TMEM267: variants seen among roughly 807,000 people sequenced by gnomAD.
TMEM267 encodes transmembrane protein 267.
TMEM267 carries 20 observed loss-of-function variants against 19.3 expected under a neutral mutation model. The observed-to-expected ratio is 1.04, with a 90% CI of 0.73 to 1.51. The LOEUF is 1.51. Among genes scored for constraint, TMEM267 ranks in the 40% most tolerant of loss-of-function variants. The probability of loss-of-function intolerance (pLI) is 0.00; values close to 1 mark genes in which losing one functional copy is unlikely to be tolerated. For synonymous variants in TMEM267, 88 were observed against 90.3 expected (o/e 0.97, Z 0.15); for missense variants, 242 against 261.9 (o/e 0.92, Z 0.52).
chr5:43,473,919 A>G (rs997881151), intron 1 of TMEM267, among the ~76,000 whole-genome samples: 17 of 152,246 alleles, frequency 1.1e-4, no homozygotes, highest in African/African-American at 3.1e-4. Flanking sequence ...AAACAGATAT[A>G]TAGATCAATG....
Position 43,459,458 on chromosome 5 carries a change from T to C in TMEM267, c.-74-5415A>G, listed in dbSNP as rs551563979. ...AGATTGGGGCAAAAGAAAACATCAC[T>C]AAATTATTGTTCAAAACAAAACACC... is the stretch of plus-strand genomic sequence containing the variant. On this transcript the variant is annotated intron_variant, in intron 1 of 2. Coordinates refer to ENST00000397080, the MANE Select transcript of TMEM267 (RefSeq NM_022483.5). 1.1e-4 allele frequency among the ~76,000 whole-genome samples: 17 copies of C among 152,216 alleles called. No individual in the cohort carries two copies. In the South Asian group the frequency reaches 3.1e-3, roughly 28 times the overall value.
intron 1 of TMEM267, among the ~76,000 whole-genome samples, chr5:43,468,021 G>T (rs1213060797): frequency 6.6e-6 from 1 of 150,678 alleles, no homozygotes; most frequent in Non-Finnish European, 1.5e-5. Flanking sequence ...CGAATTAAGA[G>T]TCCTTTATTA....
chr5:43,462,700 T>G (rs1176624174), intron 1 of TMEM267, among the ~76,000 whole-genome samples: 2 of 152,094 alleles, frequency 1.3e-5, no homozygotes, highest in Non-Finnish European at 2.9e-5. Context: ...GAAGAATTAG[T>G]GAGCTTGAAG....
chr5:43,448,461 T>C (rs1742382992), intron 2 of TMEM267, among the ~76,000 whole-genome samples: 1 of 152,002 alleles, frequency 6.6e-6, no homozygotes, highest in Non-Finnish European at 1.5e-5. Context: ...AAAGCTAGTA[T>C]AGGAGGAAAA....
At chr5:43,448,052 A>G (rs1275603601) in intron 2 of TMEM267, among the ~76,000 whole-genome samples, 1 of 152,186 alleles carries the variant, frequency 6.6e-6, no homozygotes, top group East Asian at 1.9e-4. Context: ...AAATCAGACA[A>G]TGTTCCGACC....
At chr5:43,451,168 C>A (rs1336478803) in intron 2 of TMEM267, among the ~76,000 whole-genome samples, 3 of 152,070 alleles carry the variant, frequency 2.0e-5, no homozygotes, top group Admixed American at 1.3e-4. Context: ...ACTTATCATG[C>A]TTATTTAATC....
At chr5:43,464,309 T>C (rs1456812035) in intron 1 of TMEM267, among the ~76,000 whole-genome samples, 1 of 151,730 alleles carries the variant, frequency 6.6e-6, no homozygotes, top group Non-Finnish European at 1.5e-5. Flanking sequence ...TAAAAGAGGA[T>C]ACAAACAAAC....
rs1742221767 is a variant in TMEM267, at chr5:43,446,170, C to T, written c.*52G>A. 1 of 1,135,246 alleles carries T rather than the reference C, an allele frequency of 8.8e-7. No individual in the cohort carries two copies. The highest frequency in any genetic ancestry group is 1.5e-5 in the South Asian group (1 of 68,380). 70.3% of individuals were successfully genotyped at this position (1,135,246 alleles called of 1,614,324 possible). ...TAAAAATTAACTTTAATGTTGGCTA[C>T]TCTTAATTATCATCATCTGAGCCAT... is the stretch of plus-strand genomic sequence containing the variant. On this transcript the variant is annotated 3_prime_UTR_variant, in exon 3 of 3. Coordinates refer to ENST00000397080, the MANE Select transcript of TMEM267 (RefSeq NM_022483.5).
chr5:43,455,088 G>C (rs1403338853), intron 1 of TMEM267, among the ~76,000 whole-genome samples: 1 of 152,148 alleles, frequency 6.6e-6, no homozygotes, highest in Non-Finnish European at 1.5e-5. Context: ...CAGAAACTAA[G>C]TTGGAGGACT....
intron 2 of TMEM267, among the ~76,000 whole-genome samples, chr5:43,448,383 A>G (rs1742378453): frequency 6.6e-6 from 1 of 152,228 alleles, no homozygotes; most frequent in Non-Finnish European, 1.5e-5. Flanking sequence ...GCCTTAACCA[A>G]GAATATGTTA....
At chr5:43,463,331 T>G (rs1025131190) in intron 1 of TMEM267, among the ~76,000 whole-genome samples, 4 of 152,134 alleles carry the variant, frequency 2.6e-5, no homozygotes, top group Non-Finnish European at 5.9e-5. Context: ...CAGGACCAGA[T>G]GTATTCACAG....
At chr5:43,452,430 A>G (rs1309589165) in intron 2 of TMEM267, among the ~76,000 whole-genome samples, 1 of 152,140 alleles carries the variant, frequency 6.6e-6, no homozygotes, top group East Asian at 1.9e-4. Flanking sequence ...GTGGAATAAC[A>G]GACACTGGAG....
At chr5:43,479,978 C>A in intron 1 of TMEM267, 1 of 388,332 alleles carries the variant, frequency 2.6e-6, no homozygotes, top group South Asian at 1.9e-5. Context: ...AGAAAACAAA[C>A]ATTCAACACC....
chr5:43,464,668 T>G (rs1367921636), intron 1 of TMEM267, among the ~76,000 whole-genome samples: 3 of 152,282 alleles, frequency 2.0e-5, no homozygotes, highest in Non-Finnish European at 4.4e-5. Context: ...TACAACCATC[T>G]GATCTTTGAC....
At chr5:43,452,159 C>T (rs1742640806) in intron 2 of TMEM267, among the ~76,000 whole-genome samples, 1 of 151,126 alleles carries the variant, frequency 6.6e-6, no homozygotes, top group Non-Finnish European at 1.5e-5. Flanking sequence ...ATTATGACAG[C>T]ACTATACACA....
chr5:43,477,165 C>T (rs548987143), intron 1 of TMEM267, among the ~76,000 whole-genome samples: 1 of 152,214 alleles, frequency 6.6e-6, no homozygotes, highest in African/African-American at 2.4e-5. Context: ...GCACTCCAGC[C>T]TAAATGACAG....
rs991199792 is a variant in TMEM267 at position 43,446,108 on chromosome 5, A to G, written c.*114T>C. 3.1e-6 allele frequency: 2 copies of G among 640,684 alleles called. No homozygotes were observed. The highest frequency in any genetic ancestry group is 2.8e-5 in the East Asian group (1 of 35,354). 39.7% of individuals were successfully genotyped at this position (640,684 alleles called of 1,614,324 possible). On this transcript the variant is annotated 3_prime_UTR_variant, in exon 3 of 3. Transcript: ENST00000397080. ...TCCTGAGCAAGAGGATTGCAGAATT[A>G]TAATAACTAAATAATATAAACACCT...
chr5:43,448,790 C>CG (rs1267431734), intron 2 of TMEM267, among the ~76,000 whole-genome samples: 2 of 149,224 alleles, frequency 1.3e-5, no homozygotes, highest in African/African-American at 5.0e-5. Flanking sequence ...AACAACCCCC[C>CG]CCCACAAAAA....
chr5:43,458,047 G>C (rs1380768845), intron 1 of TMEM267, among the ~76,000 whole-genome samples: 1 of 152,018 alleles, frequency 6.6e-6, no homozygotes, highest in Non-Finnish European at 1.5e-5. Flanking sequence ...ACAGGCATGA[G>C]CCATCATGCC....
Sources: gnomAD v4.1 joint callset for allele counts (sites outside exome capture counted in the v4.1 genomes callset) on GRCh38, gnomAD v4.1.1 for gene constraint, MANE v1.5 for transcripts, NCBI Gene and HGNC (gene_info 2026-07-23, HGNC 2026-07-21) for gene names.